The following PDE10A variants were observed in gnomAD, a reference collection of about 807,000 sequenced individuals.
The protein encoded by PDE10A is phosphodiesterase 10A.
In PDE10A, 39 loss-of-function variants were observed where a neutral mutation model predicts 97.7. That is an observed-to-expected ratio of 0.40 (90% CI 0.31 to 0.52). The LOEUF is 0.52. PDE10A is among the 20% of genes least tolerant of loss of function. PDE10A has a pLI of 0.56. For synonymous variants in PDE10A, 371 were observed against 376.8 expected, an observed-to-expected ratio of 0.98 and a Z score of 0.18; for missense variants, 731 against 1,047.8, an observed-to-expected ratio of 0.70 and a Z score of 4.17.
chr6:165,543,843 G>A (rs1018932537), intron 1 of PDE10A, among the ~76,000 whole-genome samples: 29 of 128,670 alleles, frequency 2.3e-4, no homozygotes, highest in Admixed American at 1.9e-3. Flanking sequence ...CATTTAAAAT[G>A]GTAAAAAAAC....
intron 1 of PDE10A, among the ~76,000 whole-genome samples, chr6:165,804,602 G>A (rs990778548): frequency 1.3e-5 from 2 of 152,118 alleles, no homozygotes; most frequent in Non-Finnish European, 2.9e-5. Flanking sequence ...GCCAAGGAGC[G>A]CCGGAGTTTG....
At chr6:165,431,518 G>T in intron 7 of PDE10A, 46 bp from the exon 8 acceptor site, 2 of 900,018 alleles carry the variant, frequency 2.2e-6, no homozygotes, top group Non-Finnish European at 3.5e-6. Context: ...AATACATAAC[G>T]TATATATATA....
At chr6:165,600,012 T>C (rs958899124) in intron 1 of PDE10A, among the ~76,000 whole-genome samples, 1 of 152,102 alleles carries the variant, frequency 6.6e-6, no homozygotes, top group East Asian at 1.9e-4. Flanking sequence ...CAAGGCTGAG[T>C]GCAAGCTGTT....
At chr6:165,502,687 G>A (rs1216198911) in intron 2 of PDE10A, among the ~76,000 whole-genome samples, 1 of 152,168 alleles carries the variant, frequency 6.6e-6, no homozygotes, top group Non-Finnish European at 1.5e-5. Flanking sequence ...CAAAGTACTG[G>A]TCCACACAAC....
chr6:165,517,384 T>C (rs1327013103), intron 2 of PDE10A, among the ~76,000 whole-genome samples: 1 of 152,158 alleles, frequency 6.6e-6, no homozygotes, highest in Admixed American at 6.6e-5. Context: ...ACAAGATAGT[T>C]CAACACAAAC....
chr6:165,433,229 A>C (rs1208519127), intron 6 of PDE10A, 100 bp from the exon 7 acceptor site: 1 of 827,722 alleles, frequency 1.2e-6, no homozygotes, highest in African/African-American at 1.7e-5. Context: ...TGTAATCAAT[A>C]ATAAGCAGTA....
intron 1 of PDE10A, among the ~76,000 whole-genome samples, chr6:165,965,851 C>G (rs1329405454): frequency 2.0e-5 from 3 of 152,208 alleles, no homozygotes; most frequent in African/African-American, 4.8e-5. Context: ...CCAGGAGCTG[C>G]TGAGTAAACT....
intron 1 of PDE10A, chr6:165,894,394 C>A (rs531172067): frequency 2.0e-5 from 9 of 455,944 alleles, no homozygotes; most frequent in Non-Finnish European, 4.0e-5. Context: ...TTGGCTGAAA[C>A]CACAAGATGA....
chr6:165,338,290 G>A (rs2128176923), intron 20 of PDE10A, among the ~76,000 whole-genome samples: 1 of 152,302 alleles, frequency 6.6e-6, no homozygotes, highest in East Asian at 1.9e-4. Context: ...AGGGAAATTT[G>A]AGAACTTATC....
chr6:165,469,423 G>T (rs1395325464), intron 3 of PDE10A, among the ~76,000 whole-genome samples: 1 of 152,174 alleles, frequency 6.6e-6, no homozygotes, highest in Non-Finnish European at 1.5e-5. Context: ...GGTTGCTATG[G>T]CTGTAGTTCA....
chr6:165,449,085 AACAGAATCAATGGTCAT>A lies in PDE10A; in HGVS notation c.1145-125_1145-109del, dbSNP rs1791083872. ...TGTGAGTCTTTCAAATTGATTTGTT[AACAGAATCAATGGTCAT>A]GCAGTAAATGGAACAAAATCACTTA... On this transcript the variant is annotated intron_variant, in intron 4 of 21. Coordinates refer to ENST00000539869, the MANE Select transcript of PDE10A (RefSeq NM_001385079.1). The A allele has an allele frequency of 7.7e-6, 6 of 777,248 alleles. No individual in the cohort carries two copies. The African/African-American group carries it at 1.0e-4, about 13-fold the overall frequency. 48.1% of individuals were successfully genotyped at this position (777,248 alleles called of 1,614,324 possible). A position where few individuals can be genotyped will look rare whatever the true frequency, so the allele number is the denominator to read the frequency against.
chr6:165,474,885 G>A (rs1190748390), intron 3 of PDE10A, among the ~76,000 whole-genome samples: 1 of 152,076 alleles, frequency 6.6e-6, no homozygotes, highest in Non-Finnish European at 1.5e-5. Flanking sequence ...TCGAGAAAAA[G>A]AGAAAAAAGC....
At chr6:165,776,203 A>G (rs1424672416) in intron 1 of PDE10A, among the ~76,000 whole-genome samples, 1 of 152,252 alleles carries the variant, frequency 6.6e-6, no homozygotes, top group Non-Finnish European at 1.5e-5. Flanking sequence ...TTAATTATAT[A>G]AATCAAGCAG....
intron 1 of PDE10A, among the ~76,000 whole-genome samples, chr6:165,649,478 T>C (rs1038737021): frequency 4.6e-5 from 7 of 151,812 alleles, no homozygotes; most frequent in African/African-American, 1.5e-4. Context: ...ATAATTCAAG[T>C]GTCCCCATGA....
intron 1 of PDE10A, among the ~76,000 whole-genome samples, chr6:165,797,260 A>G (rs376140113): frequency 7.2e-5 from 11 of 152,198 alleles, no homozygotes; most frequent in Non-Finnish European, 1.0e-4. Flanking sequence ...CGATCCTTCA[A>G]TCTCTCTATT....
chr6:165,643,419 T>C (rs1789241885), intron 1 of PDE10A, among the ~76,000 whole-genome samples: 1 of 152,210 alleles, frequency 6.6e-6, no homozygotes, highest in African/African-American at 2.4e-5. Flanking sequence ...CTCCCCAAAC[T>C]CTGCCCTAGG....
chr6:165,410,957 G>GC lies in PDE10A; in HGVS notation c.2076+2543_2076+2544insG, dbSNP rs1471764952. ...CAAAAAAATAGCCGGGCGTGGTGGC[G>GC]GTGCCTGTAGTCCCAGCTACTCGGG... is the stretch of plus-strand genomic sequence containing the variant. On this transcript the variant is annotated intron_variant, in intron 13 of 21. Coordinates refer to ENST00000539869, the MANE Select transcript of PDE10A (RefSeq NM_001385079.1). Among the ~76,000 whole-genome samples the GC allele has an allele frequency of 2.2e-4, 4 of 18,548 alleles. 1 individual carries two copies. Among genetic ancestry groups the GC allele is most frequent in the African/African-American group, 1.3e-3 (2 of 1,568 alleles). The allele number at this position is 18,548 out of a possible 152,430, so 12.2% of individuals were successfully genotyped here. A position where few individuals can be genotyped will look rare whatever the true frequency, so the allele number is the denominator to read the frequency against.
At chr6:165,735,955 A>G (rs1334313626) in intron 1 of PDE10A, among the ~76,000 whole-genome samples, 8 of 152,230 alleles carry the variant, frequency 5.3e-5, no homozygotes, top group Admixed American at 5.2e-4. Flanking sequence ...CTGGGCCTAC[A>G]GAGAGTCTTC....
chr6:165,499,346 C>T (rs955184364), intron 2 of PDE10A, among the ~76,000 whole-genome samples: 18 of 152,216 alleles, frequency 1.2e-4, no homozygotes, highest in South Asian at 4.1e-4. Flanking sequence ...ACTGGACATA[C>T]GTTTTATTTA....
Sources: gnomAD v4.1 joint callset for allele counts (sites outside exome capture counted in the v4.1 genomes callset) on GRCh38, gnomAD v4.1.1 for gene constraint, MANE v1.5 for transcripts, NCBI Gene and HGNC (gene_info 2026-07-23, HGNC 2026-07-21) for gene names.